The following IFT46 variants were observed in gnomAD, a reference collection of about 807,000 sequenced individuals.
IFT46 encodes the protein intraflagellar transport protein 46 homolog.
Under a neutral mutation model 39.6 loss-of-function variants are expected in IFT46, and 19 were observed. The observed-to-expected ratio is 0.48, with a 90% CI of 0.33 to 0.70. The LOEUF is 0.70. IFT46 is among the 30% of genes least tolerant of loss of function. The probability of loss-of-function intolerance (pLI) is 0.01; values close to 1 mark genes in which losing one functional copy is unlikely to be tolerated. For synonymous variants in IFT46, 117 were observed against 134.8 expected (o/e 0.87, Z 0.91); for missense variants, 334 against 364.8 (o/e 0.92, Z 0.69).
intron 9 of IFT46, among the ~76,000 whole-genome samples, chr11:118,549,141 C>T (rs773296635): frequency 2.0e-5 from 3 of 151,744 alleles, no homozygotes; most frequent in Admixed American, 6.6e-5. Flanking sequence ...TCAGGTGATG[C>T]GCCCACCTCA....
At chr11:118,557,629 G>T (rs1030074505) in intron 3 of IFT46, 12 of 1,286,984 alleles carry the variant, frequency 9.3e-6, no homozygotes, top group Middle Eastern at 2.7e-4. Flanking sequence ...TCTTCATGGA[G>T]TATCTGACCT....
At chr11:118,569,883 T>TTTTG (rs1277166022), upstream of IFT46, among the ~76,000 whole-genome samples, 1 of 152,074 alleles carries the variant, frequency 6.6e-6, no homozygotes, top group Non-Finnish European at 1.5e-5. Context: ...GACTTTGTTT[T>TTTTG]TTTGTTTGTT....
At chr11:118,568,796 T>C (rs1172165203), upstream of IFT46, among the ~76,000 whole-genome samples, 3 of 151,418 alleles carry the variant, frequency 2.0e-5, no homozygotes, top group African/African-American at 7.3e-5. Flanking sequence ...GCTGGGACTA[T>C]AGGCATGGGC....
intron 7 of IFT46, 104 bp downstream of exon 7, chr11:118,554,355 C>G (rs1937755180): frequency 8.2e-7 from 1 of 1,215,692 alleles, no homozygotes. Flanking sequence ...CGCACCCAGG[C>G]CCATCTCTTT....
upstream of IFT46, among the ~76,000 whole-genome samples, chr11:118,569,417 A>AC (rs1184571664): frequency 6.2e-4 from 94 of 151,960 alleles, no homozygotes; most frequent in African/African-American, 2.2e-3. Context: ...ACATAGCAAG[A>AC]CCCCCATCTC....
chr11:118,560,979 C>T, intron 2 of IFT46: 1 of 1,383,080 alleles, frequency 7.2e-7, no homozygotes, highest in Non-Finnish European at 1.0e-6. Context: ...TATGCTGCAA[C>T]TTATTGTACT....
chr11:118,554,432 G>A (rs1937757935), intron 7 of IFT46, 27 bp downstream of exon 7: 26 of 1,566,766 alleles, frequency 1.7e-5, no homozygotes, highest in Non-Finnish European at 2.2e-5. Context: ...CTCTCCAGCT[G>A]GGGCCTATAC....
chr11:118,548,113 C>T (rs2135477396), intron 9 of IFT46, among the ~76,000 whole-genome samples: 2 of 148,540 alleles, frequency 1.3e-5, no homozygotes, highest in Admixed American at 1.3e-4. Context: ...GAACTCCTGG[C>T]CTCAAATGAT....
intron 7 of IFT46, among the ~76,000 whole-genome samples, chr11:118,552,770 G>T (rs1303303817): frequency 1.3e-5 from 2 of 151,562 alleles, no homozygotes; most frequent in Non-Finnish European, 2.9e-5. Flanking sequence ...TCCAGCCTAG[G>T]CAAGAGCGAG....
intron 9 of IFT46, among the ~76,000 whole-genome samples, chr11:118,548,077 C>A (rs530234494): frequency 4.6e-4 from 64 of 139,170 alleles, no homozygotes; most frequent in Non-Finnish European, 7.9e-4. Flanking sequence ...AGAGAAGAGT[C>A]TCTTATTGTT....
chr11:118,552,405 A>C, intron 7 of IFT46, 70 bp from the exon 8 acceptor site: 2 of 1,561,696 alleles, frequency 1.3e-6, no homozygotes, highest in South Asian at 2.3e-5. Flanking sequence ...GTGTCTCATT[A>C]TATCTGCTGC....
At position 118,560,152 on chromosome 11, in the gene IFT46, C is replaced by T. The variant is rs1937991052; in HGVS notation, c.-35-288G>A. The T allele has an allele frequency of 3.1e-5, 10 of 327,538 alleles. No individual in the cohort carries two copies. In the South Asian group the frequency reaches 3.9e-4, roughly 13 times the overall value. The allele number at this position is 327,538 out of a possible 1,614,324, so 20.3% of individuals were successfully genotyped here. ...CTCTGGCCAGGGGCAGTGGCTCATG[C>T]CTATAATCCCAACACTTTGGGAAGG... On this transcript the variant is annotated intron_variant, in intron 2 of 11. Coordinates refer to ENST00000264021, the MANE Select transcript of IFT46 (RefSeq NM_001168618.2).
At chr11:118,545,598 T>C (rs1304624830) in intron 10 of IFT46, 104 bp from the exon 11 acceptor site, 1 of 1,136,376 alleles carries the variant, frequency 8.8e-7, no homozygotes, top group African/African-American at 1.5e-5. Flanking sequence ...GGTGTCGCTA[T>C]GACTTTGGGG....
intron 7 of IFT46, among the ~76,000 whole-genome samples, chr11:118,553,141 C>T (rs916223384): frequency 6.6e-6 from 1 of 151,318 alleles, no homozygotes; most frequent in Admixed American, 6.6e-5. Context: ...CAGGACTGAC[C>T]ATAATGAAAT....
At chr11:118,573,384 C>G (rs1219373279), upstream of IFT46, among the ~76,000 whole-genome samples, 1 of 152,176 alleles carries the variant, frequency 6.6e-6, no homozygotes, top group East Asian at 1.9e-4. Context: ...CATGCGTTAT[C>G]TTTGTATACT....
upstream of IFT46, chr11:118,573,844 C>T (rs983678278): frequency 4.0e-6 from 2 of 500,982 alleles, no homozygotes; most frequent in South Asian, 6.0e-5. Context: ...CACAAAATTT[C>T]CAGAAACTTG....
At chr11:118,557,565 C>G (rs1937882743) in intron 3 of IFT46, 1 of 722,546 alleles carries the variant, frequency 1.4e-6, no homozygotes, top group Non-Finnish European at 2.3e-6. Flanking sequence ...TTGTGCCCAT[C>G]AAACCAGCAG....
At chr11:118,556,699 A>G (rs1937847447) in intron 4 of IFT46, among the ~76,000 whole-genome samples, 1 of 152,132 alleles carries the variant, frequency 6.6e-6, no homozygotes, top group Non-Finnish European at 1.5e-5. Context: ...CAGATAGTAA[A>G]GTGATACTAT....
At chr11:118,556,756 T>G in intron 4 of IFT46, 150 bp downstream of exon 4, 1 of 906,948 alleles carries the variant, frequency 1.1e-6, no homozygotes, top group Non-Finnish European at 1.6e-6. Context: ...AAACTCATTA[T>G]TATGTTGGGT....
Sources: allele counts gnomAD v4.1 joint callset (sites outside exome capture counted in the v4.1 genomes callset), GRCh38; gene constraint gnomAD v4.1.1; transcripts MANE v1.5; gene names NCBI Gene and HGNC (gene_info 2026-07-23, HGNC 2026-07-21).